The following RIPK4 variants were observed in gnomAD, a reference collection of about 807,000 sequenced individuals.
RIPK4 encodes the protein receptor interacting serine/threonine kinase 4.
In RIPK4, 17 loss-of-function variants were observed where a neutral mutation model predicts 42.9. That is an observed-to-expected ratio of 0.40 (90% CI 0.27 to 0.59). The LOEUF is 0.59. Among genes scored for constraint, RIPK4 ranks in the 20% least tolerant of loss-of-function variants. The probability of loss-of-function intolerance (pLI) is 0.47; values close to 1 mark genes in which losing one functional copy is unlikely to be tolerated. For synonymous variants in RIPK4, 498 were observed against 499.1 expected, an observed-to-expected ratio of 1.00 and a Z score of 0.03; for missense variants, 897 against 1,104.4, an observed-to-expected ratio of 0.81 and a Z score of 2.66.
Position 41,745,826 on chromosome 21 carries a change from G to C in RIPK4, c.869C>G (p.Pro290Arg), listed in dbSNP as rs751073625. 6.2e-7 allele frequency: 1 copy of C among 1,614,114 alleles called. No individual in the cohort carries two copies. The highest frequency in any genetic ancestry group is 1.3e-5 in the African/African-American group (1 of 74,940). ...TSETEDLCEKPDDEVKETAHD... is the reference protein window; with the variant it reads ...TSETEDLCEKRDDEVKETAHD... The stretch of plus-strand genomic sequence containing the variant: ...AGCAGTTTCTTTCACTTCGTCATCA[G>C]GCTTTTCACACAGGTCCTCGGTTTC... The change falls in exon 6 of 8, where the codon CCT (proline) becomes CGT (arginine). Residue 290 changes from proline to arginine, a missense_variant. Transcript: ENST00000332512.
Position 41,748,317 on chromosome 21 carries a change from T to C in RIPK4, c.673+837A>G, listed in dbSNP as rs191335866. ...AAGGGGCTAGGCCTTGACTCTCATC[T>C]TCATTTTTAGACATTTTCGGTCACA... On this transcript the variant is annotated intron_variant, in intron 4 of 7. Coordinates refer to ENST00000332512, the MANE Select transcript of RIPK4 (RefSeq NM_020639.3). Among the ~76,000 whole-genome samples, 860 of 152,356 alleles carry C rather than the reference T, an allele frequency of 5.6e-3. 6 individuals carry two copies. Among genetic ancestry groups the C allele is most frequent in the African/African-American group, 0.019 (772 of 41,588 alleles).
In RIPK4 at chr21:41,749,487, C is replaced by T. The variant is rs556016005; in HGVS notation, c.624-284G>A. The stretch of plus-strand genomic sequence containing the variant: ...AAAGAGGGTGCCACCCTATGCGGGG[C>T]GTGAGCTCCTGGGGAACAGCGCCTG... On this transcript the variant is annotated intron_variant, in intron 3 of 7. Transcript: ENST00000332512. Among the ~76,000 whole-genome samples the T allele has an allele frequency of 5.3e-5, 8 of 152,322 alleles. No homozygotes were observed. In the South Asian group the frequency reaches 1.2e-3, roughly 24 times the overall value.
rs1443199745 is a variant in RIPK4 at position 41,741,021 on chromosome 21, G to A, written c.2172C>T (p.Ser724=). 6.8e-6 allele frequency: 11 copies of A among 1,609,272 alleles called. No individual in the cohort carries two copies. Among genetic ancestry groups the A allele is most frequent in the East Asian group, 2.2e-5 (1 of 44,794 alleles). Residue 724 remains serine (S), a synonymous_variant, in exon 8 of 8, where the codon AGC becomes AGT. Coordinates refer to ENST00000332512, the MANE Select transcript of RIPK4 (RefSeq NM_020639.3). ...CGTCGAACAGGTCAATGACATCGGCGCTGACCAACTCCTCCACCACCTCCG... is the reference window on the plus strand; with the variant it reads ...CGTCGAACAGGTCAATGACATCGGCACTGACCAACTCCTCCACCACCTCCG... ...GHSEVVEELV[S]ADVIDLFDEQ... is the part of the protein sequence containing the mutation.
At chr21:41,756,495 A>T (rs2061203735) in intron 2 of RIPK4, 30 bp downstream of exon 2, 1 of 1,597,776 alleles carries the variant, frequency 6.3e-7, no homozygotes, top group Non-Finnish European at 8.5e-7. Flanking sequence ...CTCCCTGCCC[A>T]GCTCTCTCGG....
chr21:41,766,312 A>C (rs1044749981), intron 1 of RIPK4, among the ~76,000 whole-genome samples: 18 of 152,182 alleles, frequency 1.2e-4, no homozygotes, highest in African/African-American at 4.3e-4. Flanking sequence ...CGAAATAATT[A>C]CAGTCTTACA....
At chr21:41,765,665 G>A (rs1015443993) in intron 1 of RIPK4, among the ~76,000 whole-genome samples, 2 of 152,226 alleles carry the variant, frequency 1.3e-5, no homozygotes, top group African/African-American at 4.8e-5. Context: ...TCAATCAGCC[G>A]AGCATTCGAA....
intron 4 of RIPK4, 130 bp downstream of exon 4, chr21:41,749,024 C>T (rs2061180192): frequency 7.7e-6 from 7 of 911,908 alleles, no homozygotes; most frequent in Non-Finnish European, 1.2e-5. Context: ...ATGCAAATTA[C>T]ACCACAGAGC....
At position 41,741,634 on chromosome 21, in the gene RIPK4, G is replaced by A. The variant is rs2061154571; in HGVS notation, c.1559C>T (p.Thr520Ile). ...FAAQNGDESS[T>I]RLLLEKNASV... ...GGCGTTCTTCTCCAACAGCAGCCGT[G>A]TGCTAGACTCGTCCCCGTTCTGGGC... The change falls in exon 8 of 8, where the codon ACA becomes ATA. Residue 520 changes from threonine (T) to isoleucine (I), a missense_variant. Transcript: ENST00000332512. 1 of 1,613,418 alleles carries A rather than the reference G, an allele frequency of 6.2e-7. No individual in the cohort carries two copies. The highest frequency in any genetic ancestry group is 1.1e-5 in the South Asian group (1 of 91,090).
In RIPK4 at chr21:41,741,572, T is replaced by C. The variant is rs1328756992; in HGVS notation, c.1621A>G (p.Met541Val). The change falls in exon 8 of 8, where the codon ATG becomes GTG. Residue 541 changes from methionine (M) to valine (V), a missense_variant. Physicochemically the swap from Met to Val is conservative, Grantham distance 21. Coordinates refer to ENST00000332512, the MANE Select transcript of RIPK4 (RefSeq NM_020639.3). The part of the protein sequence containing the change: ...NEVDFEGRTP[M>V]HVACQHGQEN... Reference sequence around the variant, plus strand: ...TGCCCGTGCTGGCAGGCCACGTGCATGGGCGTCCGGCCCTCAAAGTCCACC... The same window carrying C: ...TGCCCGTGCTGGCAGGCCACGTGCACGGGCGTCCGGCCCTCAAAGTCCACC... The C allele has an allele frequency of 6.2e-7, 1 of 1,611,874 alleles. No homozygotes were observed.
At chr21:41,743,638 T>A (rs2061161250) in intron 7 of RIPK4, among the ~76,000 whole-genome samples, 1 of 152,226 alleles carries the variant, frequency 6.6e-6, no homozygotes, top group South Asian at 2.1e-4. Flanking sequence ...CCCATGGCAC[T>A]GGCACAGGCA....
At chr21:41,766,021 G>A (rs1397208064) in intron 1 of RIPK4, among the ~76,000 whole-genome samples, 1 of 152,262 alleles carries the variant, frequency 6.6e-6, no homozygotes, top group Non-Finnish European at 1.5e-5. Context: ...CTGCTAGGTA[G>A]GTACAGGCAG....
In RIPK4 at chr21:41,741,079, G is replaced by C. The variant is rs200764815; in HGVS notation, c.2114C>G (p.Thr705Arg). Residue 705 changes from threonine to arginine, a missense_variant, in exon 8 of 8, where the codon ACG (threonine) becomes AGG (arginine). By Grantham distance (71) the Thr-to-Arg change is moderately conservative (BLOSUM62 -1). Coordinates refer to ENST00000332512, the MANE Select transcript of RIPK4 (RefSeq NM_020639.3). ...GTGGGCGGCAGCCAGGTGCAGCGCC[G>C]TCTGGTTCAGGGGTCCCCGGGCCAG... ...DVLARGPLNQ[T>R]ALHLAAAHGH... 2 of 1,611,556 alleles carry C rather than the reference G, an allele frequency of 1.2e-6. No individual in the cohort carries two copies. The highest frequency in any genetic ancestry group is 1.7e-6 in the Non-Finnish European group (2 of 1,179,758).
At chr21:41,746,833 G>A in intron 4 of RIPK4, 62 bp from the exon 5 acceptor site, 1 of 1,508,658 alleles carries the variant, frequency 6.6e-7, no homozygotes, top group Non-Finnish European at 8.9e-7. Context: ...TCTCACCCTT[G>A]GGAGGAAACG....
At chr21:41,763,670 A>G (rs1452058577) in intron 1 of RIPK4, among the ~76,000 whole-genome samples, 4 of 152,298 alleles carry the variant, frequency 2.6e-5, no homozygotes, top group Middle Eastern at 6.8e-3. Context: ...CAATCCAATT[A>G]TGTTCCCAGG....
chr21:41,739,979 T>G lies in RIPK4; in HGVS notation c.*859A>C, dbSNP rs1284726831. 1.3e-5 allele frequency: 2 copies of G among 152,260 alleles called. No homozygotes were observed. The highest frequency in any genetic ancestry group is 4.8e-5 in the African/African-American group (2 of 41,478). The allele number at this position is 152,260 out of a possible 1,614,324, so 9.4% of individuals were successfully genotyped here. A position where few individuals can be genotyped will look rare whatever the true frequency, so the allele number is the denominator to read the frequency against. On this transcript the variant is annotated 3_prime_UTR_variant, in exon 8 of 8. Coordinates refer to ENST00000332512, the MANE Select transcript of RIPK4 (RefSeq NM_020639.3). ...TTCTCCTGCACCTCTTCCCCAAGACTGGTGCACTCCAGCGACCTGAGGGGG... is the reference window on the plus strand; with the variant it reads ...TTCTCCTGCACCTCTTCCCCAAGACGGGTGCACTCCAGCGACCTGAGGGGG...
At position 41,740,966 on chromosome 21, in the gene RIPK4, C is replaced by A. The variant is rs372607958; in HGVS notation, c.2227G>T (p.Ala743Ser). 7 of 1,612,020 alleles carry A rather than the reference C, an allele frequency of 4.3e-6. No individual in the cohort carries two copies. The highest frequency in any genetic ancestry group is 4.2e-6 in the Non-Finnish European group (5 of 1,179,848). ...EQGLSALHLA[A>S]QGRHAQTVET... Reference sequence around the variant, plus strand: ...ACCGTCTGTGCGTGCCGGCCCTGGGCGGCCAGGTGCAGCGCGCTGAGCCCC... The same window carrying A: ...ACCGTCTGTGCGTGCCGGCCCTGGGAGGCCAGGTGCAGCGCGCTGAGCCCC... Residue 743 changes from alanine to serine, a missense_variant, in exon 8 of 8, where the codon GCC (alanine) becomes TCC (serine). Transcript: ENST00000332512.
At position 41,742,273 on chromosome 21, in the gene RIPK4, T is replaced by C. The variant is rs1321885739; in HGVS notation, c.1196-276A>G. 6.6e-6 allele frequency among the ~76,000 whole-genome samples: 1 copy of C among 152,228 alleles called. No individual in the cohort carries two copies. Among genetic ancestry groups the C allele is most frequent in the African/African-American group, 2.4e-5 (1 of 41,462 alleles). On this transcript the variant is annotated intron_variant, in intron 7 of 7. Coordinates refer to ENST00000332512, the MANE Select transcript of RIPK4 (RefSeq NM_020639.3). The surrounding 1 kb of genome is among the most constrained non-coding windows in gnomAD (Gnocchi z 5.1). ...CTGTCCTGCGGGGTGGTGAGCCCCCTTGGTGCTTAGAGATGGCAGTGACTG... is the reference window on the plus strand; with the variant it reads ...CTGTCCTGCGGGGTGGTGAGCCCCCCTGGTGCTTAGAGATGGCAGTGACTG...
At chr21:41,760,058 T>C (rs117871010) in intron 1 of RIPK4, among the ~76,000 whole-genome samples, 2,858 of 152,284 alleles carry the variant, frequency 0.019, 42 homozygotes, top group Non-Finnish European at 0.03. Flanking sequence ...CTGTCACAAC[T>C]AAAGGATGCT....
chr21:41,755,975 C>T lies in RIPK4; in HGVS notation c.474+550G>A, dbSNP rs75442815. 0.014 allele frequency among the ~76,000 whole-genome samples: 2,121 copies of T among 152,316 alleles called. 45 individuals are homozygous for T. The highest frequency in any genetic ancestry group is 0.047 in the African/African-American group (1,964 of 41,552). The stretch of plus-strand genomic sequence containing the variant: ...GCAAAAGCAAGCTCCATCTCCCAGG[C>T]GTTGCACTAACGCAACACGCTGCCA... On this transcript the variant is annotated intron_variant, in intron 2 of 7. Transcript: ENST00000332512. This position sits in a 1 kb window ranked among gnomAD's most constrained non-coding sequence, Gnocchi z 4.2.
Sources: allele counts gnomAD v4.1 joint callset (sites outside exome capture counted in the v4.1 genomes callset), GRCh38; gene constraint gnomAD v4.1.1; non-coding constraint Gnocchi (gnomAD v3.1); transcripts MANE v1.5; gene names NCBI Gene and HGNC (gene_info 2026-07-23, HGNC 2026-07-21).